ATXN1: variants seen among roughly 807,000 people sequenced by gnomAD.
ATXN1 encodes the protein ataxin-1.
In ATXN1, 8 loss-of-function variants were observed where a neutral mutation model predicts 56.4. The ratio of observed to expected loss-of-function variants is 0.14; its 90% CI spans 0.08 to 0.26. The LOEUF is 0.26. ATXN1 is among the 10% of genes least tolerant of loss of function. ATXN1 has a pLI of 1.00. For synonymous variants in ATXN1, 514 were observed against 494.6 expected (o/e 1.04, Z -0.52); for missense variants, 987 against 1,106.5 (o/e 0.89, Z 1.53).
chr6:16,457,713 C>T (rs951001471), intron 6 of ATXN1, among the ~76,000 whole-genome samples: 9 of 152,126 alleles, frequency 5.9e-5, no homozygotes, highest in Non-Finnish European at 1.2e-4. Flanking sequence ...GCAAAGCTGG[C>T]GATTTACATT....
chr6:16,436,462 G>T (rs1561895006), intron 6 of ATXN1, among the ~76,000 whole-genome samples: 1 of 152,170 alleles, frequency 6.6e-6, no homozygotes, highest in African/African-American at 2.4e-5. Context: ...CAGAAAAGGG[G>T]GCTAGGGTGG....
chr6:16,560,576 A>C (rs1487304184), intron 4 of ATXN1, among the ~76,000 whole-genome samples: 1 of 152,192 alleles, frequency 6.6e-6, no homozygotes, highest in Non-Finnish European at 1.5e-5. Context: ...AGCTCCTCTC[A>C]GACACCCGTC....
rs1175846449 is a variant in ATXN1, at chr6:16,303,011, G to A, written c.*3318C>T. On this transcript the variant is annotated 3_prime_UTR_variant, in exon 8 of 8. Transcript: ENST00000436367. The surrounding 1 kb of genome is among the most constrained non-coding windows in gnomAD (Gnocchi z 4.3). ...ATTTGAAGAGAAAGCTGCCACAAGG[G>A]AGTGGTGACCGTGGGTGGCAGGTGG... The A allele has an allele frequency of 6.6e-6, 1 of 152,670 alleles. No individual in the cohort carries two copies. The highest frequency in any genetic ancestry group is 1.5e-5 in the Non-Finnish European group (1 of 68,062). 9.5% of individuals were successfully genotyped at this position (152,670 alleles called of 1,614,324 possible).
chr6:16,697,582 A>G lies in ATXN1; in HGVS notation c.-614-39681T>C, dbSNP rs995246174. ...CTTTTTTTTCCTATGCTGTTTCCCC[A>G]TAGTTCCACCCGCCCCTCCCCCACC... On this transcript the variant is annotated intron_variant, in intron 2 of 7. Transcript: ENST00000436367. Among the ~76,000 whole-genome samples the G allele has an allele frequency of 7.9e-5, 12 of 151,510 alleles. No individual in the cohort carries two copies. The South Asian group carries it at 2.5e-3, about 32-fold the overall frequency.
At chr6:16,712,169 C>G (rs4716091) in intron 2 of ATXN1, among the ~76,000 whole-genome samples, 15 of 151,978 alleles carry the variant, frequency 9.9e-5, no homozygotes, top group Non-Finnish European at 1.6e-4. Context: ...AAACTCATTG[C>G]GCTGTACGCT....
intron 5 of ATXN1, among the ~76,000 whole-genome samples, chr6:16,519,012 G>A (rs1227892631): frequency 6.6e-6 from 1 of 152,078 alleles, no homozygotes; most frequent in Admixed American, 6.6e-5. Flanking sequence ...TTGAAGAACT[G>A]AACAACATTT....
At position 16,328,532 on chromosome 6, in the gene ATXN1, G is replaced by C; in HGVS notation, c.-160-62C>G. 11 of 753,240 alleles carry C rather than the reference G, an allele frequency of 1.5e-5. No homozygotes were observed. The highest frequency in any genetic ancestry group is 2.1e-5 in the Non-Finnish European group (11 of 535,770). The allele number at this position is 753,240 out of a possible 1,614,324, so 46.7% of individuals were successfully genotyped here. On this transcript the variant is annotated intron_variant, in intron 6 of 7. Transcript: ENST00000436367. This position sits in a 1 kb window ranked among gnomAD's most constrained non-coding sequence, Gnocchi z 6.2. ...GAAAGGGAGGAGAAAGGGAAGGAGG[G>C]AAAGGACATCAGAACATGAGCACCG... is the stretch of plus-strand genomic sequence containing the variant.
At chr6:16,584,156 C>A (rs528809286) in intron 4 of ATXN1, among the ~76,000 whole-genome samples, 10 of 150,012 alleles carry the variant, frequency 6.7e-5, no homozygotes, top group African/African-American at 2.2e-4. Context: ...AGCTTGCAAT[C>A]TTATCTACAG....
chr6:16,626,069 A>C (rs1423419805), intron 3 of ATXN1, among the ~76,000 whole-genome samples: 1 of 152,136 alleles, frequency 6.6e-6, no homozygotes, highest in Non-Finnish European at 1.5e-5. Context: ...TGCAACCTGA[A>C]AAAAAGGAAG....
At chr6:16,445,576 G>T (rs1474393349) in intron 6 of ATXN1, among the ~76,000 whole-genome samples, 1 of 151,710 alleles carries the variant, frequency 6.6e-6, no homozygotes, top group Non-Finnish European at 1.5e-5. Flanking sequence ...ACAATGTGCA[G>T]GTTAGTTACA....
At chr6:16,531,130 T>C (rs539246138) in intron 4 of ATXN1, among the ~76,000 whole-genome samples, 199 of 152,294 alleles carry the variant, frequency 1.3e-3, no homozygotes, top group Non-Finnish European at 1.9e-3. Flanking sequence ...ATCTCTGACC[T>C]GGAGATAGAG....
At chr6:16,353,313 C>A (rs1008839585) in intron 6 of ATXN1, among the ~76,000 whole-genome samples, 5 of 152,216 alleles carry the variant, frequency 3.3e-5, no homozygotes, top group Admixed American at 3.3e-4. Flanking sequence ...AAAGGAAAAG[C>A]GCTCATAGAA....
At chr6:16,398,856 C>T (rs1479596701) in intron 6 of ATXN1, among the ~76,000 whole-genome samples, 2 of 152,292 alleles carry the variant, frequency 1.3e-5, no homozygotes, top group South Asian at 2.1e-4. Flanking sequence ...ACATGATGTA[C>T]ATTTTTGCTC....
intron 6 of ATXN1, among the ~76,000 whole-genome samples, chr6:16,347,261 T>TC (rs1383890535): frequency 6.6e-6 from 1 of 152,242 alleles, no homozygotes; most frequent in African/African-American, 2.4e-5. Flanking sequence ...ACCTACTGCC[T>TC]CTGTGAAGAT....
chr6:16,618,432 C>G (rs1763259307), intron 3 of ATXN1, among the ~76,000 whole-genome samples: 1 of 152,104 alleles, frequency 6.6e-6, no homozygotes, highest in Non-Finnish European at 1.5e-5. Context: ...GTAAAACAAA[C>G]AAAACAAAAG....
chr6:16,367,362 T>TCACA (rs67144687), intron 6 of ATXN1, among the ~76,000 whole-genome samples: 2,322 of 144,516 alleles, frequency 0.016, 44 homozygotes, highest in East Asian at 0.066. Flanking sequence ...TCTCTCTCTC[T>TCACA]CACACACACA....
chr6:16,658,904 CAA>C (rs1758261274), intron 2 of ATXN1, among the ~76,000 whole-genome samples: 6 of 152,194 alleles, frequency 3.9e-5, no homozygotes, highest in Admixed American at 3.9e-4. Context: ...CGGTGATCAT[CAA>C]AGATTGGATC....
intron 1 of ATXN1, among the ~76,000 whole-genome samples, chr6:16,759,727 CAG>C (rs1156388145): frequency 1.3e-5 from 2 of 151,770 alleles, no homozygotes; most frequent in East Asian, 1.9e-4. Flanking sequence ...TGTTTTCTGG[CAG>C]AGTCTCGATC....
intron 5 of ATXN1, among the ~76,000 whole-genome samples, chr6:16,487,550 C>T (rs1179202378): frequency 6.6e-6 from 1 of 152,128 alleles, no homozygotes; most frequent in Non-Finnish European, 1.5e-5. Flanking sequence ...TTACCAAGTG[C>T]TTTCTCATTA....
Sources: allele counts gnomAD v4.1 joint callset (sites outside exome capture counted in the v4.1 genomes callset), GRCh38; gene constraint gnomAD v4.1.1; non-coding constraint Gnocchi (gnomAD v3.1); transcripts MANE v1.5; gene names NCBI Gene and HGNC (gene_info 2026-07-23, HGNC 2026-07-21).